The following DLG2 variants were observed in gnomAD, a reference collection of about 807,000 sequenced individuals.
The protein encoded by DLG2 is disks large homolog 2.
A neutral mutation model predicts 132.5 loss-of-function variants in DLG2; 45 were observed. The observed-to-expected ratio is 0.34, with a 90% CI of 0.27 to 0.44. The LOEUF is 0.44. Among genes scored for constraint, DLG2 ranks in the 20% least tolerant of loss-of-function variants. DLG2 has a pLI of 1.00. For missense variants in DLG2, 1,045 were observed against 1,196.9 expected (o/e 0.87, Z 1.87); for synonymous variants, 424 against 419.6 (o/e 1.01, Z -0.13).
chr11:84,435,044 G>A (rs1407884727), intron 7 of DLG2, among the ~76,000 whole-genome samples: 1 of 151,676 alleles, frequency 6.6e-6, no homozygotes, highest in Admixed American at 6.6e-5. Context: ...TAAGTATACT[G>A]GTCATTTTCT....
intron 6 of DLG2, among the ~76,000 whole-genome samples, chr11:84,586,330 T>G (rs1437231086): frequency 6.6e-6 from 1 of 152,210 alleles, no homozygotes; most frequent in Non-Finnish European, 1.5e-5. Context: ...TCTTTAACTC[T>G]AATAGTCTAT....
At chr11:84,046,369 T>C (rs1055345506) in intron 11 of DLG2, among the ~76,000 whole-genome samples, 2 of 151,538 alleles carry the variant, frequency 1.3e-5, no homozygotes, top group East Asian at 3.9e-4. Flanking sequence ...AAAATTATTA[T>C]AATTAAAAAA....
chr11:84,582,487 AACAT>A (rs1182386423), intron 6 of DLG2, among the ~76,000 whole-genome samples: 6 of 148,728 alleles, frequency 4.0e-5, no homozygotes, highest in African/African-American at 7.3e-5. Context: ...ATATATAATA[AACAT>A]ACATACATAT....
intron 3 of DLG2, among the ~76,000 whole-genome samples, chr11:85,424,309 T>G (rs149475): frequency 0.012 from 1,809 of 152,276 alleles, 113 homozygotes; most frequent in Admixed American, 0.11. Context: ...TCGGGGGATC[T>G]GTGGGTTCTC....
chr11:84,755,001 G>C (rs1010576527), intron 6 of DLG2, among the ~76,000 whole-genome samples: 5 of 152,174 alleles, frequency 3.3e-5, no homozygotes, highest in Non-Finnish European at 7.3e-5. Context: ...ATAATTCATA[G>C]GATGTTATGA....
chr11:84,225,114 T>C (rs556744226), intron 8 of DLG2, among the ~76,000 whole-genome samples: 1 of 152,346 alleles, frequency 6.6e-6, no homozygotes, highest in South Asian at 2.1e-4. Context: ...AAGGCCTTCT[T>C]GAAGCCATAG....
chr11:84,762,927 G>A (rs915896218), intron 6 of DLG2, among the ~76,000 whole-genome samples: 3 of 151,998 alleles, frequency 2.0e-5, no homozygotes, highest in African/African-American at 7.2e-5. Flanking sequence ...TGCATGGAAG[G>A]TTTCTTAAAG....
chr11:85,177,642 C>A (rs1262206006), intron 4 of DLG2, among the ~76,000 whole-genome samples: 2 of 151,910 alleles, frequency 1.3e-5, no homozygotes, highest in East Asian at 1.9e-4. Context: ...ATGGAACAAA[C>A]CTACACATCC....
chr11:83,849,818 G>T (rs1036163544), intron 16 of DLG2, among the ~76,000 whole-genome samples: 1 of 149,470 alleles, frequency 6.7e-6, no homozygotes, highest in Non-Finnish European at 1.5e-5. Context: ...TATTTACCCA[G>T]AATGCTAGTG....
intron 3 of DLG2, among the ~76,000 whole-genome samples, chr11:85,289,985 A>G (rs1255506280): frequency 1.3e-5 from 2 of 152,176 alleles, no homozygotes; most frequent in Admixed American, 6.6e-5. Flanking sequence ...AGCGCTATGC[A>G]AGGCCCTTAG....
chr11:84,502,270 CCTTCCTTCCTT>C lies in DLG2; in HGVS notation c.519+32289_519+32299del, dbSNP rs2099215414. Among the ~76,000 whole-genome samples, 2 of 51,086 alleles carry C rather than the reference CCTTCCTTCCTT, an allele frequency of 3.9e-5. 1 individual carries two copies. The highest frequency in any genetic ancestry group is 6.6e-4 in the East Asian group (2 of 3,028). The allele number at this position is 51,086 out of a possible 152,430, so 33.5% of individuals were successfully genotyped here. On this transcript the variant is annotated intron_variant, in intron 7 of 27. Coordinates refer to ENST00000376104, the MANE Select transcript of DLG2 (RefSeq NM_001142699.3). ...TCCTTCCTTCCTTCCTTCCTTCCTT[CCTTCCTTCCTT>C]CTTTCTTTCTTTCTTTCTTTCTTTC...
At chr11:85,486,065 A>G (rs560789519) in intron 3 of DLG2, among the ~76,000 whole-genome samples, 133 of 152,292 alleles carry the variant, frequency 8.7e-4, no homozygotes, top group African/African-American at 3.1e-3. Flanking sequence ...GCCATCTGAG[A>G]GGGGCCCAGC....
At chr11:84,074,241 A>C (rs1030364616) in intron 10 of DLG2, among the ~76,000 whole-genome samples, 6 of 152,114 alleles carry the variant, frequency 3.9e-5, no homozygotes, top group Non-Finnish European at 7.3e-5. Flanking sequence ...CTCCTCACAA[A>C]AGACACCATC....
intron 6 of DLG2, among the ~76,000 whole-genome samples, chr11:84,638,669 T>C (rs931395782): frequency 3.9e-5 from 6 of 152,162 alleles, no homozygotes; most frequent in African/African-American, 1.4e-4. Flanking sequence ...AATAGAACCA[T>C]AGTATGAAGT....
intron 4 of DLG2, among the ~76,000 whole-genome samples, chr11:85,268,434 T>C (rs2077345471): frequency 6.6e-6 from 1 of 152,192 alleles, no homozygotes; most frequent in African/African-American, 2.4e-5. Flanking sequence ...CTTACATATA[T>C]TGATTGATGT....
chr11:83,676,695 C>T (rs76751610), intron 18 of DLG2, among the ~76,000 whole-genome samples: 6,126 of 152,268 alleles, frequency 0.04, 174 homozygotes, highest in Middle Eastern at 0.092. Context: ...ATACTTCCAA[C>T]AATGCATTCT....
intron 6 of DLG2, among the ~76,000 whole-genome samples, chr11:85,070,391 A>G (rs2065667347): frequency 6.6e-6 from 1 of 151,742 alleles, no homozygotes; most frequent in East Asian, 1.9e-4. Flanking sequence ...TACCACAGAT[A>G]TGGAATCAAC....
At chr11:83,785,994 A>T in intron 18 of DLG2, among the ~76,000 whole-genome samples, 1 of 152,192 alleles carries the variant, frequency 6.6e-6, no homozygotes, top group East Asian at 1.9e-4. Context: ...TTTCCAAAGG[A>T]GCAACCTATA....
At chr11:84,640,315 C>A in intron 6 of DLG2, 2 of 345,350 alleles carry the variant, frequency 5.8e-6, no homozygotes, top group South Asian at 2.4e-5. Context: ...GAGAATGGGT[C>A]TCTTGTTGAC....
Sources: allele counts gnomAD v4.1 joint callset (sites outside exome capture counted in the v4.1 genomes callset), GRCh38; gene constraint gnomAD v4.1.1; transcripts MANE v1.5; gene names NCBI Gene and HGNC (gene_info 2026-07-23, HGNC 2026-07-21).